Variants in NLGN1 observed in about 807,000 individuals in gnomAD.
NLGN1 encodes the protein neuroligin-1.
A neutral mutation model predicts 65.5 loss-of-function variants in NLGN1; 12 were observed. That is an observed-to-expected ratio of 0.18 (90% CI 0.12 to 0.30). The LOEUF is 0.30. Ranked by LOEUF, NLGN1 falls within the 10% of genes least tolerant of loss-of-function variation. The pLI is 1.00. For synonymous variants in NLGN1, 350 were observed against 359.5 expected (o/e 0.97, Z 0.30); for missense variants, 750 against 1,007.1 (o/e 0.74, Z 3.46).
intron 3 of NLGN1, among the ~76,000 whole-genome samples, chr3:173,691,040 G>A (rs972810085): frequency 2.6e-5 from 4 of 152,196 alleles, no homozygotes; most frequent in South Asian, 4.1e-4. Context: ...TGGGGATTCC[G>A]GGAGATGGAG....
intron 2 of NLGN1, among the ~76,000 whole-genome samples, chr3:173,510,600 A>G (rs1239828480): frequency 1.3e-5 from 2 of 152,212 alleles, no homozygotes; most frequent in Admixed American, 6.5e-5. Flanking sequence ...TCTTGGGCCT[A>G]GTTCTTGCAA....
chr3:173,628,925 A>G (rs528700930), intron 3 of NLGN1, among the ~76,000 whole-genome samples: 2 of 151,676 alleles, frequency 1.3e-5, no homozygotes, highest in Non-Finnish European at 2.9e-5. Context: ...AACTCCTGAC[A>G]TCAAGTGATC....
intron 3 of NLGN1, among the ~76,000 whole-genome samples, chr3:173,773,327 A>G (rs1373501339): frequency 6.6e-6 from 1 of 152,156 alleles, no homozygotes; most frequent in African/African-American, 2.4e-5. Context: ...CCTCCCCAAA[A>G]AACATTTTTT....
chr3:173,520,754 A>G (rs1354970965), intron 2 of NLGN1, among the ~76,000 whole-genome samples: 2 of 152,220 alleles, frequency 1.3e-5, no homozygotes, highest in Non-Finnish European at 2.9e-5. Flanking sequence ...GAACAAACAA[A>G]CAGAAGAGAT....
At chr3:173,944,382 C>T (rs1323770208) in intron 4 of NLGN1, among the ~76,000 whole-genome samples, 1 of 152,006 alleles carries the variant, frequency 6.6e-6, no homozygotes, top group Non-Finnish European at 1.5e-5. Flanking sequence ...ACATGGGCAA[C>T]ATGAAGTCAA....
At position 173,560,006 on chromosome 3, in the gene NLGN1, C is replaced by T. The variant is rs960531803; in HGVS notation, c.-320-44273C>T. ...TCGCCCAGGCTGGAATGCAGTGGCA[C>T]GATCTCAGCTCACTGCCAGCTCCGC... On this transcript the variant is annotated intron_variant, in intron 2 of 6. Coordinates refer to ENST00000457714, the Ensembl canonical transcript of NLGN1. 4.1e-5 allele frequency among the ~76,000 whole-genome samples: 6 copies of T among 147,838 alleles called. No homozygotes were observed. In the South Asian group the frequency reaches 1.1e-3, roughly 26 times the overall value.
intron 2 of NLGN1, among the ~76,000 whole-genome samples, chr3:173,509,899 T>C (rs1360240209): frequency 6.6e-6 from 1 of 152,162 alleles, no homozygotes; most frequent in Admixed American, 6.6e-5. Context: ...AACAAGTTAA[T>C]TTCAGGAGAG....
intron 3 of NLGN1, among the ~76,000 whole-genome samples, chr3:173,697,905 G>A (rs1766476013): frequency 6.6e-6 from 1 of 152,016 alleles, no homozygotes; most frequent in Non-Finnish European, 1.5e-5. Context: ...TGTGATTAGA[G>A]GGTAAATGTG....
In NLGN1 at chr3:174,105,708, T is replaced by TATATGTAGATATAG. The variant is rs1561053887; in HGVS notation, c.647-169603_647-169602insGTAGATATAGATAT. The stretch of plus-strand genomic sequence containing the variant: ...ATATGTAGATATAGATATCTATATC[T>TATATGTAGATATAG]ATATCTAGATATATATATATCTTAC... On this transcript the variant is annotated intron_variant, in intron 4 of 6. Coordinates refer to ENST00000457714, the Ensembl canonical transcript of NLGN1. 3.4e-4 allele frequency among the ~76,000 whole-genome samples: 51 copies of TATATGTAGATATAG among 151,990 alleles called. 1 individual carries two copies. The highest frequency in any genetic ancestry group is 9.9e-4 in the African/African-American group (41 of 41,392).
chr3:173,695,111 T>C (rs900416409), intron 3 of NLGN1, among the ~76,000 whole-genome samples: 9 of 152,210 alleles, frequency 5.9e-5, no homozygotes, highest in African/African-American at 2.2e-4. Context: ...TAGTCATTTT[T>C]TTAAAAATCC....
intron 4 of NLGN1, among the ~76,000 whole-genome samples, chr3:173,891,152 T>A (rs138589357): frequency 2.0e-5 from 3 of 152,286 alleles, no homozygotes; most frequent in Non-Finnish European, 4.4e-5. Context: ...CATAGAGATG[T>A]CATACAGGTT....
intron 2 of NLGN1, among the ~76,000 whole-genome samples, chr3:173,494,732 C>G (rs1214165651): frequency 6.6e-6 from 1 of 151,800 alleles, no homozygotes; most frequent in African/African-American, 2.4e-5. Context: ...TGAGAGTTCA[C>G]TAATTTCCAT....
At chr3:174,137,073 A>C (rs974170941) in intron 4 of NLGN1, among the ~76,000 whole-genome samples, 33 of 152,130 alleles carry the variant, frequency 2.2e-4, no homozygotes, top group African/African-American at 7.7e-4. Context: ...TGAATATCTC[A>C]TGTAATTTAT....
At chr3:173,935,622 A>ATTCT (rs1553894818) in intron 4 of NLGN1, among the ~76,000 whole-genome samples, 1 of 108,010 alleles carries the variant, frequency 9.3e-6, no homozygotes, top group African/African-American at 3.8e-5. Context: ...ACACACACAC[A>ATTCT]CTCTCTCTCT....
intron 3 of NLGN1, among the ~76,000 whole-genome samples, chr3:173,615,037 T>C (rs956386882): frequency 1.3e-5 from 2 of 152,154 alleles, no homozygotes; most frequent in East Asian, 3.9e-4. Flanking sequence ...TTGTTTTTTT[T>C]TCTTCTGTAT....
intron 2 of NLGN1, among the ~76,000 whole-genome samples, chr3:173,583,393 A>T (rs1746705873): frequency 6.6e-6 from 1 of 152,230 alleles, no homozygotes; most frequent in Admixed American, 6.5e-5. Flanking sequence ...TTAATAGATA[A>T]ATTAGCCGTG....
intron 3 of NLGN1, among the ~76,000 whole-genome samples, chr3:173,676,336 C>T (rs1052145980): frequency 6.6e-6 from 1 of 152,034 alleles, no homozygotes; most frequent in Non-Finnish European, 1.5e-5. Flanking sequence ...TTGGAACAAA[C>T]AAAGCCCTAG....
chr3:174,077,999 G>A (rs1212972430), intron 4 of NLGN1, among the ~76,000 whole-genome samples: 1 of 151,918 alleles, frequency 6.6e-6, no homozygotes, highest in East Asian at 1.9e-4. Flanking sequence ...CAAAATGGAG[G>A]AACAAAACCA....
intron 3 of NLGN1, among the ~76,000 whole-genome samples, chr3:173,782,810 AC>A (rs1357022554): frequency 6.8e-6 from 1 of 146,644 alleles, no homozygotes. Context: ...TCATTCCCCT[AC>A]CCCCCGCTCC....
Sources: allele counts gnomAD v4.1 joint callset (sites outside exome capture counted in the v4.1 genomes callset), GRCh38; gene constraint gnomAD v4.1.1; transcripts MANE v1.5; gene names NCBI Gene and HGNC (gene_info 2026-07-23, HGNC 2026-07-21).